NKAIN3: variants seen among roughly 807,000 people sequenced by gnomAD.
The protein encoded by NKAIN3 is sodium/potassium-transporting ATPase subunit beta-1-interacting protein 3.
In NKAIN3, 25 loss-of-function variants were observed where a neutral mutation model predicts 30.2. The observed-to-expected ratio is 0.83, with a 90% confidence interval of 0.60 to 1.16. NKAIN3 has a LOEUF of 1.16. NKAIN3 is among the 50% of genes most tolerant of loss of function. NKAIN3 has a pLI of 0.00. For synonymous variants in NKAIN3, 91 were observed against 89.6 expected (o/e 1.02, Z -0.09); for missense variants, 225 against 254.1 (o/e 0.89, Z 0.78).
At chr8:62,416,963 T>G (rs1322729617) in intron 1 of NKAIN3, among the ~76,000 whole-genome samples, 2 of 151,710 alleles carry the variant, frequency 1.3e-5, no homozygotes, top group Non-Finnish European at 2.9e-5. Context: ...CTGCACTCAG[T>G]CTGGGTGACA....
rs557778453 is a variant in NKAIN3, at chr8:62,974,737, G to A, written c.*9330G>A. Among the ~76,000 whole-genome samples, 7 of 152,216 alleles carry A rather than the reference G, an allele frequency of 4.6e-5. No individual in the cohort carries two copies. The highest frequency in any genetic ancestry group is 7.4e-5 in the Non-Finnish European group (5 of 68,010). ...GTGAGACAAGCCACCCTTGTCTTGC[G>A]CCAGTTTTCAAAGGGAGTGCTTCCA... On this transcript the variant is annotated 3_prime_UTR_variant, in exon 7 of 7. Coordinates refer to ENST00000623646, the MANE Select transcript of NKAIN3 (RefSeq NM_001304533.3).
chr8:62,862,989 G>A (rs1820299920), intron 4 of NKAIN3: 3 of 517,252 alleles, frequency 5.8e-6, no homozygotes, highest in Non-Finnish European at 1.1e-5. Flanking sequence ...GCATGTGTAT[G>A]CATACATATG....
chr8:62,413,022 T>G (rs532119685), intron 1 of NKAIN3, among the ~76,000 whole-genome samples: 41 of 151,444 alleles, frequency 2.7e-4, no homozygotes, highest in Non-Finnish European at 5.2e-4. Flanking sequence ...GACATACAAG[T>G]GGCTACCAAA....
chr8:62,900,227 C>T (rs998165087), intron 4 of NKAIN3, among the ~76,000 whole-genome samples: 5 of 58,602 alleles, frequency 8.5e-5, no homozygotes, highest in African/African-American at 5.7e-4. Flanking sequence ...TCTTTTGACT[C>T]ATATCTTGTA....
intron 4 of NKAIN3, among the ~76,000 whole-genome samples, chr8:62,802,021 G>A (rs1586211476): frequency 1.3e-5 from 2 of 152,182 alleles, no homozygotes; most frequent in African/African-American, 4.8e-5. Context: ...GGGTATCAGT[G>A]ATGGAAGATG....
chr8:62,894,354 C>T (rs544359551), intron 4 of NKAIN3, among the ~76,000 whole-genome samples: 36 of 152,262 alleles, frequency 2.4e-4, no homozygotes, highest in African/African-American at 3.4e-4. Context: ...AAACTAGGAA[C>T]TGAAAATTCA....
intron 3 of NKAIN3, among the ~76,000 whole-genome samples, chr8:62,649,530 G>A (rs1048761203): frequency 6.6e-5 from 10 of 152,188 alleles, no homozygotes; most frequent in African/African-American, 9.6e-5. Flanking sequence ...ATTTGTACCC[G>A]AAAGATGCCT....
chr8:62,616,026 C>T (rs915459256), intron 3 of NKAIN3, among the ~76,000 whole-genome samples: 8 of 152,050 alleles, frequency 5.3e-5, no homozygotes, highest in South Asian at 2.1e-4. Flanking sequence ...TGATCGGTGG[C>T]GTTTTCTATT....
chr8:62,665,505 C>T (rs1019588657), intron 3 of NKAIN3, among the ~76,000 whole-genome samples: 4 of 152,168 alleles, frequency 2.6e-5, no homozygotes, highest in African/African-American at 7.2e-5. Context: ...AAATTAAGAC[C>T]ACTTTCTCTT....
chr8:62,724,651 C>A (rs1415082903), intron 3 of NKAIN3, among the ~76,000 whole-genome samples: 1 of 152,034 alleles, frequency 6.6e-6, no homozygotes, highest in Non-Finnish European at 1.5e-5. Flanking sequence ...TTGTGCCTGG[C>A]TTATTTTTTT....
chr8:62,886,980 A>G (rs975613924), intron 4 of NKAIN3, among the ~76,000 whole-genome samples: 1 of 152,114 alleles, frequency 6.6e-6, no homozygotes, highest in Non-Finnish European at 1.5e-5. Flanking sequence ...CCACATCTCT[A>G]CAAAGGACAT....
chr8:62,756,485 G>A (rs766181374), intron 4 of NKAIN3, among the ~76,000 whole-genome samples: 11 of 151,960 alleles, frequency 7.2e-5, no homozygotes, highest in Non-Finnish European at 1.6e-4. Context: ...ATAATATTTA[G>A]CAAAATTTTC....
At chr8:62,685,227 C>T (rs1813761279) in intron 3 of NKAIN3, among the ~76,000 whole-genome samples, 1 of 152,074 alleles carries the variant, frequency 6.6e-6, no homozygotes, top group African/African-American at 2.4e-5. Flanking sequence ...TTTAAACTTA[C>T]CAGAGCTCAA....
rs1297599114 is a variant in NKAIN3, at chr8:62,651,131, C to T, written c.273+61337C>T. On this transcript the variant is annotated intron_variant, in intron 3 of 6. Coordinates refer to ENST00000623646, the MANE Select transcript of NKAIN3 (RefSeq NM_001304533.3). ...GTACCTAAAAGAAAAAAAAAAACTT[C>T]TTCGAAAAGATAAAAGGATGCATTT... 2.0e-5 allele frequency among the ~76,000 whole-genome samples: 3 copies of T among 151,516 alleles called. No individual in the cohort carries two copies. The East Asian group carries it at 5.8e-4, about 29-fold the overall frequency.
At chr8:62,962,953 A>G (rs1823611806) in intron 6 of NKAIN3, among the ~76,000 whole-genome samples, 1 of 151,830 alleles carries the variant, frequency 6.6e-6, no homozygotes, top group Non-Finnish European at 1.5e-5. Flanking sequence ...GTGCAATGGC[A>G]TGACCTCAGC....
chr8:62,937,197 C>T (rs1585596854), intron 5 of NKAIN3, among the ~76,000 whole-genome samples: 1 of 152,130 alleles, frequency 6.6e-6, no homozygotes, highest in East Asian at 1.9e-4. Flanking sequence ...GCGGCTCCCA[C>T]TCAGATAGAC....
chr8:62,805,341 C>T (rs1432368740), intron 4 of NKAIN3, among the ~76,000 whole-genome samples: 1 of 151,686 alleles, frequency 6.6e-6, no homozygotes, highest in Admixed American at 6.6e-5. Flanking sequence ...CCCGCATTGC[C>T]AAGTCAATCC....
At chr8:62,891,384 C>A (rs1391140932) in intron 4 of NKAIN3, among the ~76,000 whole-genome samples, 1 of 152,194 alleles carries the variant, frequency 6.6e-6, no homozygotes. Context: ...TGGCCTTTGG[C>A]CACAGACTAA....
chr8:62,924,450 G>T (rs538918775), intron 5 of NKAIN3, among the ~76,000 whole-genome samples: 1 of 34,064 alleles, frequency 2.9e-5, no homozygotes, highest in African/African-American at 1.3e-4. Flanking sequence ...TATTTTCAAT[G>T]AATAAATATT....
Sources: gnomAD v4.1 joint callset for allele counts (sites outside exome capture counted in the v4.1 genomes callset) on GRCh38, gnomAD v4.1.1 for gene constraint, MANE v1.5 for transcripts, NCBI Gene and HGNC (gene_info 2026-07-23, HGNC 2026-07-21) for gene names.